Variants in ANKRA2 observed in about 807,000 individuals in gnomAD.
ANKRA2 encodes the protein ankyrin repeat family A member 2, also known as ankyrin repeat family A protein 2.
Under a neutral mutation model 37.8 loss-of-function variants are expected in ANKRA2, and 33 were observed. The observed-to-expected ratio is 0.87, with a 90% CI of 0.66 to 1.17. The LOEUF (loss-of-function observed/expected upper bound fraction) is 1.17, where lower values mean the gene tolerates loss of function less well. ANKRA2 is among the 50% of genes most tolerant of loss of function. ANKRA2 has a pLI of 0.00. For missense variants in ANKRA2, 326 were observed against 373.7 expected (o/e 0.87, Z 1.05); for synonymous variants, 126 against 132.3 (o/e 0.95, Z 0.33).
At chr5:73,559,651 TATTA>T (rs1747491121) in intron 3 of ANKRA2, among the ~76,000 whole-genome samples, 1 of 126,556 alleles carries the variant, frequency 7.9e-6, no homozygotes, top group Non-Finnish European at 1.8e-5. Flanking sequence ...AATCTCTATT[TATTA>T]TTTATTAACT....
chr5:73,555,218 C>G (rs1381080961), intron 5 of ANKRA2: 1 of 1,332,178 alleles, frequency 7.5e-7, no homozygotes, highest in African/African-American at 1.5e-5. Context: ...CAAGTCACAG[C>G]TCCTCCATGA....
At chr5:73,561,797 T>C (rs73117973) in intron 2 of ANKRA2, among the ~76,000 whole-genome samples, 12,958 of 151,744 alleles carry the variant, frequency 0.085, 814 homozygotes, top group African/African-American at 0.18. Flanking sequence ...ATAACCATAG[T>C]GAAAGTTCTG....
intron 4 of ANKRA2, among the ~76,000 whole-genome samples, chr5:73,557,090 A>C (rs999174348): frequency 5.1e-4 from 48 of 94,644 alleles, no homozygotes; most frequent in Admixed American, 1.2e-3. Flanking sequence ...CTTAAAACTT[A>C]AGGGGGGCAG....
At position 73,562,941 on chromosome 5, in the gene ANKRA2, A is replaced by G; in HGVS notation, c.-60T>C. 6.8e-7 allele frequency: 1 copy of G among 1,467,632 alleles called. No homozygotes were observed. Among genetic ancestry groups the G allele is most frequent in the Non-Finnish European group, 9.2e-7 (1 of 1,084,952 alleles). The allele number at this position is 1,467,632 out of a possible 1,614,324, so 90.9% of individuals were successfully genotyped here. On this transcript the variant is annotated 5_prime_UTR_variant, in exon 2 of 9. Coordinates refer to ENST00000296785, the MANE Select transcript of ANKRA2 (RefSeq NM_023039.5). ...CTTCATGATTTCCTCTTGGTTTTGTAAGAGCAGTATCCAGTGTGTTCTTGG... is the reference window on the plus strand; with the variant it reads ...CTTCATGATTTCCTCTTGGTTTTGTGAGAGCAGTATCCAGTGTGTTCTTGG...
chr5:73,555,300 T>C, intron 5 of ANKRA2, 188 bp downstream of exon 5: 3 of 1,215,098 alleles, frequency 2.5e-6, no homozygotes, highest in South Asian at 3.3e-5. Flanking sequence ...TTAAATTATT[T>C]CTCACTGTTG....
intron 3 of ANKRA2, among the ~76,000 whole-genome samples, chr5:73,557,971 G>A (rs1319911087): frequency 6.6e-6 from 1 of 152,090 alleles, no homozygotes; most frequent in Admixed American, 6.5e-5. Context: ...CAGCTACTTG[G>A]GAGGCTGAGG....
intron 3 of ANKRA2, among the ~76,000 whole-genome samples, chr5:73,560,387 G>A (rs1396345589): frequency 6.6e-6 from 1 of 151,696 alleles, no homozygotes; most frequent in Non-Finnish European, 1.5e-5. Flanking sequence ...TTGAGACAGG[G>A]TCTCACTCTG....
rs1447136600 is a variant in ANKRA2 at position 73,552,328 on chromosome 5, T to G, written c.*469A>C. On this transcript the variant is annotated 3_prime_UTR_variant, in exon 9 of 9. Coordinates refer to ENST00000296785, the MANE Select transcript of ANKRA2 (RefSeq NM_023039.5). The stretch of plus-strand genomic sequence containing the variant: ...ATCTTATATACTTAAAAAAGTAGTA[T>G]GCAAACTGACAGAAGAAGTATTTTA... The G allele has an allele frequency of 6.5e-6, 1 of 152,916 alleles. No individual in the cohort carries two copies. The highest frequency in any genetic ancestry group is 2.4e-5 in the African/African-American group (1 of 41,412). The allele number at this position is 152,916 out of a possible 1,614,324, so 9.5% of individuals were successfully genotyped here.
intron 1 of ANKRA2, among the ~76,000 whole-genome samples, chr5:73,563,631 C>T (rs1747615705): frequency 6.6e-6 from 1 of 152,122 alleles, no homozygotes; most frequent in Non-Finnish European, 1.5e-5. Flanking sequence ...TGTAGGTTTT[C>T]ATGAAAAATA....
At chr5:73,561,680 T>C (rs1468260133) in intron 2 of ANKRA2, among the ~76,000 whole-genome samples, 2 of 151,922 alleles carry the variant, frequency 1.3e-5, no homozygotes, top group Non-Finnish European at 1.5e-5. Context: ...GGCAGGAGAA[T>C]TGCTTGAACC....
intron 3 of ANKRA2, among the ~76,000 whole-genome samples, chr5:73,558,497 T>C (rs889204351): frequency 1.3e-5 from 2 of 152,172 alleles, no homozygotes; most frequent in East Asian, 1.9e-4. Context: ...TTACAAGGAA[T>C]GAAGTCACAA....
chr5:73,562,766 T>A lies in ANKRA2; in HGVS notation c.116A>T (p.Asn39Ile), dbSNP rs970572618. Reference protein sequence around the residue: ...DIKIEHPLDPNSEEGSAQGVA... With the variant: ...DIKIEHPLDPISEEGSAQGVA... ...ACCCTGAGCTGACCCTTCTTCTGAA[T>A]TTGGGTCCAGTGGATGTTCTATTTT... Residue 39 changes from asparagine (N) to isoleucine (I), a missense_variant, in exon 2 of 9, where the codon AAT (asparagine) becomes ATT (isoleucine). Transcript: ENST00000296785. 7 of 1,614,070 alleles carry A rather than the reference T, an allele frequency of 4.3e-6. No individual in the cohort carries two copies. The highest frequency in any genetic ancestry group is 5.9e-6 in the Non-Finnish European group (7 of 1,180,048).
intron 5 of ANKRA2, chr5:73,555,284 T>C: frequency 1.7e-6 from 2 of 1,203,414 alleles, no homozygotes; most frequent in Non-Finnish European, 2.2e-6. Flanking sequence ...TAGAGGGGTC[T>C]GGGCGTTAAA....
intron 4 of ANKRA2, 168 bp downstream of exon 4, chr5:73,557,407 A>C: frequency 2.8e-6 from 1 of 360,300 alleles, no homozygotes. Context: ...TACGCTTTAT[A>C]TTCCTTTTTT....
rs1747714838 is a variant in ANKRA2, at chr5:73,565,626, A to G, written c.-599T>C. ...TTTCAGTTGACGGTTCTGGGTCACCAGAGCAGAGGAAGCCCCAATTTCGCC... is the reference window on the plus strand; with the variant it reads ...TTTCAGTTGACGGTTCTGGGTCACCGGAGCAGAGGAAGCCCCAATTTCGCC... On this transcript the variant is annotated 5_prime_UTR_variant, in exon 1 of 9. Coordinates refer to ENST00000296785, the MANE Select transcript of ANKRA2 (RefSeq NM_023039.5). 2 of 393,266 alleles carry G rather than the reference A, an allele frequency of 5.1e-6. No individual in the cohort carries two copies. The highest frequency in any genetic ancestry group is 2.1e-5 in the African/African-American group (1 of 48,290). 24.4% of individuals were successfully genotyped at this position (393,266 alleles called of 1,614,324 possible). A position where few individuals can be genotyped will look rare whatever the true frequency, so the allele number is the denominator to read the frequency against.
Position 73,562,670 on chromosome 5 carries a change from G to T in ANKRA2, c.212C>A (p.Ser71Tyr). 1.2e-6 allele frequency: 2 copies of T among 1,614,074 alleles called. No individual in the cohort carries two copies. The highest frequency in any genetic ancestry group is 1.7e-6 in the Non-Finnish European group (2 of 1,179,958). The change falls in exon 2 of 9, where the codon TCC becomes TAC. Residue 71 changes from serine to tyrosine, a missense_variant. Ser to Tyr is a moderately radical substitution (Grantham distance 144). Around this residue, in one of 3 missense-constraint regions of ANKRA2, gnomAD observed 93 missense variants for 91.1 expected, o/e 1.02. Coordinates refer to ENST00000296785, the MANE Select transcript of ANKRA2 (RefSeq NM_023039.5). The stretch of plus-strand genomic sequence containing the variant: ...ATTTTTACTATCTTCTTCATTTAAG[G>T]ACTTCACAAATCGAGAACACACATT... ...DMNVCSRFVK[S>Y]LNEEDSKNIQ...
At chr5:73,563,778 A>T (rs1747621963) in intron 1 of ANKRA2, among the ~76,000 whole-genome samples, 1 of 152,178 alleles carries the variant, frequency 6.6e-6, no homozygotes, top group African/African-American at 2.4e-5. Context: ...GAATTTTGAG[A>T]GGGTGCAGGG....
Position 73,565,476 on chromosome 5 carries a change from GCAATGCAGCTGAA to G in ANKRA2, c.-462_-450del, listed in dbSNP as rs1747708351. 1 of 255,000 alleles carries G rather than the reference GCAATGCAGCTGAA, an allele frequency of 3.9e-6. No homozygotes were observed. The highest frequency in any genetic ancestry group is 3.8e-5 in the South Asian group (1 of 26,178). The allele number at this position is 255,000 out of a possible 1,614,324, so 15.8% of individuals were successfully genotyped here. A position where few individuals can be genotyped will look rare whatever the true frequency, so the allele number is the denominator to read the frequency against. ...CCTTCTGGCTAAAAAACGTTCCGCA[GCAATGCAGCTGAA>G]ACTTTCGGGTTTTCTTTTTTTTGTC... On this transcript the variant is annotated 5_prime_UTR_variant, in exon 1 of 9. Transcript: ENST00000296785.
intron 3 of ANKRA2, 109 bp from the exon 4 acceptor site, chr5:73,557,749 A>C: frequency 1.5e-6 from 1 of 684,166 alleles, no homozygotes; most frequent in Non-Finnish European, 2.4e-6. Context: ...AAAAACTACA[A>C]TTTTATTGTT....
Sources: gnomAD v4.1 joint callset for allele counts (sites outside exome capture counted in the v4.1 genomes callset) on GRCh38, gnomAD v4.1.1 for gene constraint, gnomAD v4.1.1 regional missense constraint, MANE v1.5 for transcripts, NCBI Gene and HGNC (gene_info 2026-07-23, HGNC 2026-07-21) for gene names.